The following DLC1 variants were observed in gnomAD, a reference collection of about 807,000 sequenced individuals.
DLC1 encodes rho GTPase-activating protein 7.
A neutral mutation model predicts 140.3 loss-of-function variants in DLC1; 54 were observed. That is an observed-to-expected ratio of 0.38 (90% CI 0.31 to 0.48). The LOEUF (loss-of-function observed/expected upper bound fraction) is 0.48. DLC1 is among the 20% of genes least tolerant of loss of function. DLC1 has a pLI of 0.96. For synonymous variants in DLC1, 986 were observed against 728.1 expected, an observed-to-expected ratio of 1.35 and a Z score of -5.70; for missense variants, 2,536 against 1,907.0, an observed-to-expected ratio of 1.33 and a Z score of -6.14.
chr8:13,530,474 CAT>C (rs1406850970), intron 1 of DLC1, among the ~76,000 whole-genome samples: 4 of 152,116 alleles, frequency 2.6e-5, no homozygotes, highest in African/African-American at 7.2e-5. Context: ...TCTCTGAAGA[CAT>C]ATCTGTGTTT....
intron 1 of DLC1, among the ~76,000 whole-genome samples, chr8:13,528,233 T>G (rs1802981937): frequency 6.6e-6 from 1 of 152,088 alleles, no homozygotes; most frequent in South Asian, 2.1e-4. Context: ...ACAATATTAC[T>G]TCTACACCCT....
At chr8:13,501,697 T>C (rs1801831068) in intron 1 of DLC1, among the ~76,000 whole-genome samples, 1 of 152,216 alleles carries the variant, frequency 6.6e-6, no homozygotes, top group Admixed American at 6.5e-5. Context: ...CCTGACCAAG[T>C]ATCTTTCTGG....
intron 5 of DLC1, among the ~76,000 whole-genome samples, chr8:13,191,144 G>C (rs901592595): frequency 1.3e-5 from 2 of 152,214 alleles, no homozygotes; most frequent in African/African-American, 4.8e-5. Flanking sequence ...TGGAGTTCCT[G>C]AGGCCTCTTC....
chr8:13,443,185 C>T (rs1319998986), intron 2 of DLC1, among the ~76,000 whole-genome samples: 5 of 129,954 alleles, frequency 3.8e-5, no homozygotes, highest in Non-Finnish European at 7.8e-5. Flanking sequence ...AGGGAAACAT[C>T]AGACACTGGG....
chr8:13,453,436 A>ATATATATG (rs1461156619), intron 2 of DLC1, among the ~76,000 whole-genome samples: 1 of 24,388 alleles, frequency 4.1e-5, no homozygotes, highest in African/African-American at 1.8e-4. Context: ...GTATATATAT[A>ATATATATG]TGTATATATA....
intron 1 of DLC1, among the ~76,000 whole-genome samples, chr8:13,589,299 C>CA (rs748730181): frequency 3.4e-4 from 51 of 151,888 alleles, no homozygotes; most frequent in Non-Finnish European, 6.0e-4. Context: ...ATTAGAAAAA[C>CA]AAAAAACAAA....
At chr8:13,376,567 A>T (rs1240771764) in intron 4 of DLC1, among the ~76,000 whole-genome samples, 6 of 152,220 alleles carry the variant, frequency 3.9e-5, no homozygotes, top group Admixed American at 1.3e-4. Context: ...TTTGTTGAAT[A>T]GAGAGTTAGA....
chr8:13,215,431 C>G (rs1168017383), intron 5 of DLC1, among the ~76,000 whole-genome samples: 1 of 151,940 alleles, frequency 6.6e-6, no homozygotes, highest in African/African-American at 2.4e-5. Context: ...ACTAAAAATA[C>G]AAAAATTAGC....
intron 1 of DLC1, among the ~76,000 whole-genome samples, chr8:13,588,713 G>A (rs899147129): frequency 1.3e-5 from 2 of 152,018 alleles, no homozygotes; most frequent in African/African-American, 2.4e-5. Flanking sequence ...ATGGCTACTT[G>A]ACTATCTCAG....
At chr8:13,493,680 G>A (rs953688992) in intron 2 of DLC1, among the ~76,000 whole-genome samples, 1 of 151,930 alleles carries the variant, frequency 6.6e-6, no homozygotes, top group African/African-American at 2.4e-5. Context: ...TCTTTACATT[G>A]TAAACTTATT....
intron 4 of DLC1, among the ~76,000 whole-genome samples, chr8:13,368,285 A>T (rs1423119483): frequency 1.4e-5 from 2 of 144,348 alleles, no homozygotes; most frequent in Non-Finnish European, 3.1e-5. Flanking sequence ...ATTTTCCATT[A>T]CCAAACTCAA....
intron 5 of DLC1, among the ~76,000 whole-genome samples, chr8:13,233,342 C>T (rs977613103): frequency 7.5e-6 from 1 of 133,162 alleles, no homozygotes; most frequent in African/African-American, 2.8e-5. Flanking sequence ...TGTATATTCA[C>T]ACTTGTGACT....
At chr8:13,386,033 C>T (rs550321499) in intron 4 of DLC1, among the ~76,000 whole-genome samples, 1 of 152,128 alleles carries the variant, frequency 6.6e-6, no homozygotes, top group African/African-American at 2.4e-5. Flanking sequence ...ATGCTGTTGG[C>T]TTGCCATTTT....
intron 5 of DLC1, among the ~76,000 whole-genome samples, chr8:13,268,465 G>T (rs911218796): frequency 6.6e-6 from 1 of 151,866 alleles, no homozygotes; most frequent in African/African-American, 2.4e-5. Flanking sequence ...CAGGCGCGCA[G>T]CCTCAAACAC....
At chr8:13,234,138 A>C (rs894156570) in intron 5 of DLC1, among the ~76,000 whole-genome samples, 3 of 152,192 alleles carry the variant, frequency 2.0e-5, no homozygotes, top group African/African-American at 7.2e-5. Flanking sequence ...GATAGTAACA[A>C]CTAAAAGCTG....
At chr8:13,108,557 C>T (rs1819789414) in intron 7 of DLC1, among the ~76,000 whole-genome samples, 1 of 152,134 alleles carries the variant, frequency 6.6e-6, no homozygotes, top group African/African-American at 2.4e-5. Context: ...AAATGGAAAA[C>T]AACATTTCAA....
chr8:13,216,092 G>T (rs1202611564), intron 5 of DLC1, among the ~76,000 whole-genome samples: 3 of 152,176 alleles, frequency 2.0e-5, no homozygotes, highest in Non-Finnish European at 4.4e-5. Flanking sequence ...TCTTATTGCT[G>T]TCCTGTTCCA....
chr8:13,383,224 A>C (rs1331063778), intron 4 of DLC1, among the ~76,000 whole-genome samples: 1 of 152,240 alleles, frequency 6.6e-6, no homozygotes, highest in African/African-American at 2.4e-5. Flanking sequence ...AAGACCTTCA[A>C]ATATGTGCCC....
intron 1 of DLC1, among the ~76,000 whole-genome samples, chr8:13,585,580 T>C (rs955366931): frequency 1.3e-5 from 2 of 152,172 alleles, no homozygotes; most frequent in African/African-American, 2.4e-5. Flanking sequence ...CATACGTGTA[T>C]TGTCTCTGAG....
Sources: allele counts gnomAD v4.1 joint callset (sites outside exome capture counted in the v4.1 genomes callset), GRCh38; gene constraint gnomAD v4.1.1; transcripts MANE v1.5; gene names NCBI Gene and HGNC (gene_info 2026-07-23, HGNC 2026-07-21).